The following CAT variants were observed in gnomAD, a reference collection of about 807,000 sequenced individuals.
CAT encodes epididymis secretory sperm binding protein.
CAT carries 43 observed loss-of-function variants against 59.0 expected under a neutral mutation model. The ratio of observed to expected loss-of-function variants is 0.73; its 90% CI spans 0.57 to 0.94. CAT has a LOEUF of 0.94. CAT is among the 40% of genes least tolerant of loss of function. CAT has a pLI of 0.00. For synonymous variants in CAT, 218 were observed against 230.9 expected (o/e 0.94, Z 0.51); for missense variants, 664 against 682.9 (o/e 0.97, Z 0.31).
chr11:34,466,068 C>A (rs1397146532), intron 10 of CAT, among the ~76,000 whole-genome samples: 1 of 152,180 alleles, frequency 6.6e-6, no homozygotes, highest in Non-Finnish European at 1.5e-5. Flanking sequence ...TCAAGGTCTG[C>A]TAAGAAGCAG....
At chr11:34,468,462 A>G in intron 11 of CAT, 67 bp downstream of exon 11, 1 of 1,132,548 alleles carries the variant, frequency 8.8e-7, no homozygotes, top group East Asian at 2.3e-5. Context: ...GTGTGGGAGA[A>G]CCCTAAAAAG....
At position 34,470,668 on chromosome 11, in the gene CAT, AT is replaced by A; in HGVS notation, c.1435-285del. On this transcript the variant is annotated intron_variant, in intron 11 of 12. Transcript: ENST00000241052. ...GAATGGGGGACAAAGACCAAATAGT[AT>A]TTTTAAAATTATACTGATTAGGTGT... The A allele has an allele frequency of 9.5e-6, 4 of 419,202 alleles. No individual in the cohort carries two copies. The East Asian group carries it at 2.1e-4, about 22-fold the overall frequency. The allele number at this position is 419,202 out of a possible 1,614,324, so 26.0% of individuals were successfully genotyped here.
chr11:34,456,880 A>G (rs759202394), intron 8 of CAT, 63 bp downstream of exon 8: 5 of 1,525,482 alleles, frequency 3.3e-6, no homozygotes, highest in Admixed American at 1.7e-5. Flanking sequence ...CACACAAAAT[A>G]TGCAGCTTGG....
intron 5 of CAT, among the ~76,000 whole-genome samples, chr11:34,453,412 T>G (rs1254579441): frequency 6.6e-6 from 1 of 152,186 alleles, no homozygotes; most frequent in Non-Finnish European, 1.5e-5. Context: ...CTAGCAACAT[T>G]GTCAGTTGAT....
chr11:34,469,803 C>T (rs17883699), intron 11 of CAT, among the ~76,000 whole-genome samples: 1,745 of 152,056 alleles, frequency 0.011, 29 homozygotes, highest in African/African-American at 0.04. Context: ...GTAGCTTGGA[C>T]TACAGGCATG....
chr11:34,444,386 C>T (rs1201468467), intron 1 of CAT, among the ~76,000 whole-genome samples: 1 of 152,160 alleles, frequency 6.6e-6, no homozygotes, highest in African/African-American at 2.4e-5. Context: ...CATGGTGGAT[C>T]AGTATCTAAG....
intron 8 of CAT, among the ~76,000 whole-genome samples, chr11:34,460,331 G>A (rs549055076): frequency 6.6e-6 from 1 of 151,800 alleles, no homozygotes; most frequent in South Asian, 2.1e-4. Context: ...CTTTGGCATT[G>A]TAGGGCTTTC....
At chr11:34,447,373 G>T (rs1025289821) in intron 1 of CAT, among the ~76,000 whole-genome samples, 2 of 152,024 alleles carry the variant, frequency 1.3e-5, no homozygotes, top group Admixed American at 1.3e-4. Flanking sequence ...AGGTGAAATT[G>T]CTCTTTTTCT....
intron 3 of CAT, 133 bp downstream of exon 3, chr11:34,451,231 T>C (rs1178114688): frequency 2.8e-6 from 2 of 724,624 alleles, no homozygotes; most frequent in African/African-American, 1.7e-5. Context: ...GGTTTTACAG[T>C]AGAAGACATA....
chr11:34,443,129 C>A (rs1300116800), intron 1 of CAT, among the ~76,000 whole-genome samples: 1 of 152,174 alleles, frequency 6.6e-6, no homozygotes, highest in East Asian at 1.9e-4. Context: ...TCTAAGTGGG[C>A]AGCTTTGTGC....
At chr11:34,439,186 C>G (rs1856355675) in intron 1 of CAT, 107 bp downstream of exon 1, 1 of 1,056,146 alleles carries the variant, frequency 9.5e-7, no homozygotes. Flanking sequence ...GGGACTGTAC[C>G]GCGGCTCACT....
At chr11:34,462,874 A>G (rs947630577) in intron 9 of CAT, among the ~76,000 whole-genome samples, 1 of 152,208 alleles carries the variant, frequency 6.6e-6, no homozygotes, top group African/African-American at 2.4e-5. Flanking sequence ...GCACATTTCA[A>G]AGAGCTAGTT....
intron 4 of CAT, among the ~76,000 whole-genome samples, chr11:34,452,589 A>G (rs1856537793): frequency 2.0e-5 from 3 of 152,072 alleles, no homozygotes; most frequent in African/African-American, 7.2e-5. Context: ...TCCGTGAAGA[A>G]ATACTATAAA....
At position 34,464,086 on chromosome 11, in the gene CAT, G is replaced by T; in HGVS notation, c.1196-19G>T. 1 of 1,613,974 alleles carries T rather than the reference G, an allele frequency of 6.2e-7. No individual in the cohort carries two copies. Among genetic ancestry groups the T allele is most frequent in the Non-Finnish European group, 8.5e-7 (1 of 1,179,870 alleles). On this transcript the variant is annotated intron_variant, in intron 9 of 12. Transcript: ENST00000241052. Reference sequence around the variant, plus strand: ...ACTTTTCTTATTCCTAAGTGCATCTGGGTGGTTTTGTTTTGAAGGTGGTGC... The same window carrying T: ...ACTTTTCTTATTCCTAAGTGCATCTTGGTGGTTTTGTTTTGAAGGTGGTGC...
chr11:34,450,407 T>C (rs1231292375), intron 2 of CAT, among the ~76,000 whole-genome samples: 1 of 152,190 alleles, frequency 6.6e-6, no homozygotes, highest in Non-Finnish European at 1.5e-5. Context: ...TGAAAGAAAG[T>C]GAAAAACTCA....
intron 1 of CAT, among the ~76,000 whole-genome samples, chr11:34,446,183 T>G (rs1856452177): frequency 6.6e-6 from 1 of 152,212 alleles, no homozygotes; most frequent in Non-Finnish European, 1.5e-5. Flanking sequence ...TTCTAGTTTT[T>G]GCTCCCTGGC....
Position 34,471,019 on chromosome 11 carries a change from A to G in CAT, c.1496A>G (p.Lys499Arg). The G allele has an allele frequency of 6.2e-7, 1 of 1,614,186 alleles. No individual in the cohort carries two copies. Among genetic ancestry groups the G allele is most frequent in the Non-Finnish European group, 8.5e-7 (1 of 1,180,000 alleles). ...AGCCACATCCAGGCTCTTCTGGACA[A>G]GTACAATGCTGAGAAGCCTAAGGTA... is the stretch of plus-strand genomic sequence containing the variant. ...YGSHIQALLD[K>R]YNAEKPKNAI... Residue 499 changes from lysine (K) to arginine (R), a missense_variant, in exon 12 of 13, where the codon AAG becomes AGG. Transcript: ENST00000241052.
rs1460160506 is a variant in CAT, at chr11:34,438,972, G to A, written c.-42G>A. 6.5e-6 allele frequency: 10 copies of A among 1,539,578 alleles called. No homozygotes were observed. Among genetic ancestry groups the A allele is most frequent in the Non-Finnish European group, 3.5e-6 (4 of 1,134,312 alleles). On this transcript the variant is annotated 5_prime_UTR_variant, in exon 1 of 13. Transcript: ENST00000241052. ...GCCTGCTGAGGGTGGAGACCCACGA[G>A]CCGAGGCCTCCTGCAGTGTTCTGCA...
intron 6 of CAT, among the ~76,000 whole-genome samples, chr11:34,454,781 G>A (rs1393696229): frequency 2.6e-5 from 4 of 152,210 alleles, no homozygotes; most frequent in Non-Finnish European, 5.9e-5. Flanking sequence ...ATAAGACTAA[G>A]TGGTTGTATC....
Sources: gnomAD v4.1 joint callset for allele counts (sites outside exome capture counted in the v4.1 genomes callset) on GRCh38, gnomAD v4.1.1 for gene constraint, MANE v1.5 for transcripts, NCBI Gene and HGNC (gene_info 2026-07-23, HGNC 2026-07-21) for gene names.